KCNC2: variants seen among roughly 807,000 people sequenced by gnomAD.
KCNC2 encodes the protein potassium voltage-gated channel subfamily C member 2.
In KCNC2, 21 loss-of-function variants were observed where a neutral mutation model predicts 44.5. The observed-to-expected ratio is 0.47, with a 90% CI of 0.33 to 0.68. The LOEUF is 0.68. KCNC2 is among the 30% of genes least tolerant of loss of function. The pLI is 0.01. For synonymous variants in KCNC2, 391 were observed against 339.1 expected, an observed-to-expected ratio of 1.15 and a Z score of -1.68; for missense variants, 589 against 826.2, an observed-to-expected ratio of 0.71 and a Z score of 3.52.
At chr12:75,103,455 C>T (rs1467052286) in intron 2 of KCNC2, among the ~76,000 whole-genome samples, 1 of 152,182 alleles carries the variant, frequency 6.6e-6, no homozygotes, top group Non-Finnish European at 1.5e-5. Context: ...TTATTCTTCA[C>T]TGCCAGGGGT....
intron 2 of KCNC2, among the ~76,000 whole-genome samples, chr12:75,154,688 G>T (rs1890637496): frequency 6.6e-6 from 1 of 152,022 alleles, no homozygotes; most frequent in Admixed American, 6.6e-5. Flanking sequence ...CATGAAATAT[G>T]TGAGCTGGTC....
rs1489003037 is a variant in KCNC2, at chr12:75,207,828, G to T, written c.156C>A (p.Asp52Glu). The stretch of plus-strand genomic sequence containing the variant: ...GTGGAGGCGGCGACGGCTGCAGCTT[G>T]TCGCCCGCCGTGGTCAAGCAGTCGC... ...PPGDCLTTAGDKLQPSPPPLS... is the reference protein window; with the variant it reads ...PPGDCLTTAGEKLQPSPPPLS... The change falls in exon 2 of 5, where the codon GAC (aspartate) becomes GAA (glutamate). Residue 52 changes from aspartate (D) to glutamate (E), a missense_variant. Asp to Glu is a conservative substitution (Grantham distance 45). Coordinates refer to ENST00000549446, the MANE Select transcript of KCNC2 (RefSeq NM_139137.4). This position sits in a 1 kb window ranked among gnomAD's most constrained non-coding sequence, Gnocchi z 4.1. The T allele has an allele frequency of 1.2e-6, 2 of 1,608,858 alleles. No individual in the cohort carries two copies. The highest frequency in any genetic ancestry group is 8.5e-7 in the Non-Finnish European group (1 of 1,178,918).
Position 75,041,753 on chromosome 12 carries a change from C to T in KCNC2, c.*1352G>A. 1 of 991,782 alleles carries T rather than the reference C, an allele frequency of 1.0e-6. No homozygotes were observed. The highest frequency in any genetic ancestry group is 1.2e-6 in the Non-Finnish European group (1 of 833,640). 61.4% of individuals were successfully genotyped at this position (991,782 alleles called of 1,614,324 possible). On this transcript the variant is annotated 3_prime_UTR_variant, in exon 5 of 5. Transcript: ENST00000549446. ...GCAATGGTGAAATTGCTGCTTAAAC[C>T]CTGCTTATCAAAAAGATTCACAGTG... is the stretch of plus-strand genomic sequence containing the variant.
At chr12:75,114,502 T>C (rs563622778) in intron 2 of KCNC2, among the ~76,000 whole-genome samples, 2 of 152,310 alleles carry the variant, frequency 1.3e-5, no homozygotes, top group South Asian at 2.1e-4. Context: ...CCTTTAAGTC[T>C]TGGCCCCCTG....
At chr12:75,046,400 TA>T (rs1880518163) in intron 4 of KCNC2, among the ~76,000 whole-genome samples, 1 of 151,790 alleles carries the variant, frequency 6.6e-6, no homozygotes, top group African/African-American at 2.4e-5. Context: ...TTTGACAGTT[TA>T]AAACTCAAAA....
chr12:75,114,782 C>A (rs1887521072), intron 2 of KCNC2, among the ~76,000 whole-genome samples: 1 of 149,868 alleles, frequency 6.7e-6, no homozygotes, highest in Non-Finnish European at 1.5e-5. Flanking sequence ...CTCCTGCCGT[C>A]TTTTAGAATA....
Position 75,207,492 on chromosome 12 carries a change from C to T in KCNC2, c.492G>A (p.Glu164=). 8 of 1,612,590 alleles carry T rather than the reference C, an allele frequency of 5.0e-6. No homozygotes were observed. Among genetic ancestry groups the T allele is most frequent in the Non-Finnish European group, 6.8e-6 (8 of 1,179,834 alleles). ...MTYRQHRDAE[E]ALDIFETPDL... ...CGGGGGTCTCGAAGATGTCCAGCGC[C>T]TCCTCGGCGTCGCGGTGCTGCCGGT... Residue 164 remains glutamate, a synonymous_variant, in exon 2 of 5, where the codon GAG becomes GAA. Coordinates refer to ENST00000549446, the MANE Select transcript of KCNC2 (RefSeq NM_139137.4). The surrounding 1 kb of genome is among the most constrained non-coding windows in gnomAD (Gnocchi z 4.1).
chr12:75,163,136 T>C (rs941681528), intron 2 of KCNC2, among the ~76,000 whole-genome samples: 1 of 151,698 alleles, frequency 6.6e-6, no homozygotes, highest in Non-Finnish European at 1.5e-5. Flanking sequence ...CAGCAAAGCC[T>C]TGTAAGGGGA....
chr12:75,077,994 T>A (rs1382923645), intron 2 of KCNC2, among the ~76,000 whole-genome samples: 23 of 152,152 alleles, frequency 1.5e-4, no homozygotes, highest in Non-Finnish European at 2.9e-5. Flanking sequence ...TTTCCCTTTC[T>A]ACCTCAGGAC....
chr12:75,074,327 T>C (rs1353198377), intron 2 of KCNC2, among the ~76,000 whole-genome samples: 1 of 149,444 alleles, frequency 6.7e-6, no homozygotes, highest in Non-Finnish European at 1.5e-5. Context: ...GGAGAAAGTC[T>C]AGAGGAGTCC....
chr12:75,043,710 C>A, intron 4 of KCNC2: 3 of 1,403,710 alleles, frequency 2.1e-6, no homozygotes, highest in Non-Finnish European at 2.8e-6. Flanking sequence ...CTTTTTCCAG[C>A]ATATTTAATC....
At chr12:75,139,923 T>A (rs576002897) in intron 2 of KCNC2, among the ~76,000 whole-genome samples, 1 of 152,182 alleles carries the variant, frequency 6.6e-6, no homozygotes, top group East Asian at 1.9e-4. Context: ...TTCCCTAATT[T>A]CTTCATAGGC....
intron 2 of KCNC2, among the ~76,000 whole-genome samples, chr12:75,162,007 CAAT>C (rs1891153540): frequency 6.6e-6 from 1 of 151,594 alleles, no homozygotes; most frequent in Admixed American, 6.6e-5. Context: ...TTCAATCAAC[CAAT>C]AATACTTGGA....
intron 2 of KCNC2, among the ~76,000 whole-genome samples, chr12:75,071,226 G>A (rs1167650360): frequency 6.6e-6 from 1 of 151,986 alleles, no homozygotes; most frequent in Non-Finnish European, 1.5e-5. Flanking sequence ...ATTACATAAT[G>A]CCAGCGTCTC....
intron 2 of KCNC2, among the ~76,000 whole-genome samples, chr12:75,119,884 T>C (rs1887932384): frequency 6.6e-6 from 1 of 152,216 alleles, no homozygotes; most frequent in Non-Finnish European, 1.5e-5. Flanking sequence ...AAGAAACAGA[T>C]GACCCTTTCA....
In KCNC2 at chr12:75,207,887, G is replaced by A; in HGVS notation, c.97C>T (p.Arg33Cys). ...RSTLKTLPGT[R>C]LALLASSEPP... ...TCGGAGGAGGCAAGAAGGGCCAGGCGTGTTCCAGGCAGGGTCTTGAGGGTG... is the reference window on the plus strand; with the variant it reads ...TCGGAGGAGGCAAGAAGGGCCAGGCATGTTCCAGGCAGGGTCTTGAGGGTG... Residue 33 changes from arginine (R) to cysteine (C), a missense_variant, in exon 2 of 5, where the codon CGC becomes TGC. Transcript: ENST00000549446. This position sits in a 1 kb window ranked among gnomAD's most constrained non-coding sequence, Gnocchi z 4.1. 1 of 1,612,724 alleles carries A rather than the reference G, an allele frequency of 6.2e-7. No homozygotes were observed. The highest frequency in any genetic ancestry group is 2.2e-5 in the East Asian group (1 of 44,786).
chr12:75,157,227 T>A (rs1263688910), intron 2 of KCNC2, among the ~76,000 whole-genome samples: 1 of 151,884 alleles, frequency 6.6e-6, no homozygotes, highest in Non-Finnish European at 1.5e-5. Flanking sequence ...GTGGGCAAGC[T>A]TTCCATTTTT....
At chr12:75,092,599 A>G (rs1885580077) in intron 2 of KCNC2, among the ~76,000 whole-genome samples, 1 of 151,668 alleles carries the variant, frequency 6.6e-6, no homozygotes, top group Non-Finnish European at 1.5e-5. Flanking sequence ...AGACAAAGAC[A>G]TCTATTCCTG....
intron 2 of KCNC2, among the ~76,000 whole-genome samples, chr12:75,143,412 C>A (rs1299964301): frequency 6.6e-6 from 1 of 152,194 alleles, no homozygotes; most frequent in African/African-American, 2.4e-5. Context: ...AGAGGACAAC[C>A]TGCCTTCCAG....
Sources: allele counts gnomAD v4.1 joint callset (sites outside exome capture counted in the v4.1 genomes callset), GRCh38; gene constraint gnomAD v4.1.1; non-coding constraint Gnocchi (gnomAD v3.1); transcripts MANE v1.5; gene names NCBI Gene and HGNC (gene_info 2026-07-23, HGNC 2026-07-21).